TMEM38B: variants seen among roughly 807,000 people sequenced by gnomAD.
TMEM38B encodes the protein transmembrane protein 38B.
In TMEM38B, 24 loss-of-function variants were observed where a neutral mutation model predicts 28.7. That is an observed-to-expected ratio of 0.84 (90% CI 0.61 to 1.18). The LOEUF (loss-of-function observed/expected upper bound fraction) is 1.18. Among genes scored for constraint, TMEM38B ranks in the 50% most tolerant of loss-of-function variants. The pLI is 0.00. For missense variants in TMEM38B, 380 were observed against 350.9 expected, an observed-to-expected ratio of 1.08 and a Z score of -0.66; for synonymous variants, 131 against 127.7, an observed-to-expected ratio of 1.03 and a Z score of -0.17.
intron 5 of TMEM38B, chr9:105,758,879 T>C: frequency 2.9e-6 from 3 of 1,038,364 alleles, no homozygotes; most frequent in Admixed American, 3.4e-5. Flanking sequence ...GCCAGGAAGA[T>C]GTTGAAGAAA....
At chr9:105,719,333 T>C (rs1485342877) in intron 2 of TMEM38B, among the ~76,000 whole-genome samples, 1 of 152,216 alleles carries the variant, frequency 6.6e-6, no homozygotes, top group Non-Finnish European at 1.5e-5. Flanking sequence ...ATATGTTTTC[T>C]TTAGGCACTT....
chr9:105,752,434 T>A (rs887890690), intron 5 of TMEM38B, among the ~76,000 whole-genome samples: 10 of 152,026 alleles, frequency 6.6e-5, no homozygotes, highest in Non-Finnish European at 1.2e-4. Context: ...TGGCAGCAGG[T>A]CAGAACCCAC....
At chr9:105,769,965 T>A (rs1588481378) in intron 5 of TMEM38B, among the ~76,000 whole-genome samples, 1 of 152,060 alleles carries the variant, frequency 6.6e-6, no homozygotes, top group South Asian at 2.1e-4. Context: ...TTAAAGAGCG[T>A]AGATGTGCTG....
At chr9:105,763,512 C>T (rs1466072017) in intron 5 of TMEM38B, among the ~76,000 whole-genome samples, 2 of 152,200 alleles carry the variant, frequency 1.3e-5, no homozygotes, top group Non-Finnish European at 2.9e-5. Context: ...GACACATACA[C>T]TCTCCCAAGA....
intron 5 of TMEM38B, chr9:105,749,047 G>T (rs779088258): frequency 7.7e-7 from 1 of 1,298,268 alleles, no homozygotes; most frequent in Non-Finnish European, 1.0e-6. Context: ...TGAAGTCACT[G>T]TGTGAATCAT....
chr9:105,708,865 T>TTA (rs397941160), intron 2 of TMEM38B, among the ~76,000 whole-genome samples: 4 of 151,924 alleles, frequency 2.6e-5, no homozygotes, highest in African/African-American at 9.7e-5. Flanking sequence ...TTTTTTTTTT[T>TTA]ATGTTGCTCT....
Position 105,697,827 on chromosome 9 carries a change from G to A in TMEM38B, c.112+3055G>A, listed in dbSNP as rs1273329131. The stretch of plus-strand genomic sequence containing the variant: ...TTGGGATTTGTGCATTTTAAGAAGG[G>A]GTTTCTCAGGCCTAAGGTTATAAAA... On this transcript the variant is annotated intron_variant, in intron 1 of 5. Transcript: ENST00000374692. Among the ~76,000 whole-genome samples, 3 of 151,726 alleles carry A rather than the reference G, an allele frequency of 2.0e-5. No individual in the cohort carries two copies. The South Asian group carries it at 6.3e-4, about 32-fold the overall frequency.
intron 5 of TMEM38B, chr9:105,749,033 A>G: frequency 7.8e-7 from 1 of 1,283,334 alleles, no homozygotes; most frequent in Non-Finnish European, 1.0e-6. Context: ...TATGTGTCTT[A>G]GAATGAAGTC....
intron 4 of TMEM38B, among the ~76,000 whole-genome samples, chr9:105,728,280 C>T (rs561295405): frequency 4.0e-4 from 58 of 143,366 alleles, no homozygotes; most frequent in African/African-American, 1.4e-3. Context: ...GTTTGATGTT[C>T]CCCTCTCTGT....
In TMEM38B at chr9:105,774,779, AACT is replaced by A. The variant is rs1826673758; in HGVS notation, c.*703_*705del. 1 of 151,994 alleles carries A rather than the reference AACT, an allele frequency of 6.6e-6. No homozygotes were observed. Among genetic ancestry groups the A allele is most frequent in the South Asian group, 2.1e-4 (1 of 4,826 alleles). 9.4% of individuals were successfully genotyped at this position (151,994 alleles called of 1,614,324 possible). A position where few individuals can be genotyped will look rare whatever the true frequency, so the allele number is the denominator to read the frequency against. Reference sequence around the variant, plus strand: ...CTTTTTCATGCCCTTGTTTTAAAAAAACTACTTTTTTTGGCCTCAAAAAAATCA... The same window carrying A: ...CTTTTTCATGCCCTTGTTTTAAAAAAACTTTTTTTGGCCTCAAAAAAATCA... On this transcript the variant is annotated 3_prime_UTR_variant, in exon 6 of 6. Transcript: ENST00000374692.
rs1000465654 is a variant in TMEM38B, at chr9:105,749,180, A to C, written c.660+990A>C. On this transcript the variant is annotated intron_variant, in intron 5 of 5. Transcript: ENST00000374692. ...CCAGTCCTCAAATGTTGAGCCGTGT[A>C]TATTTTTTTCTAACAGCTTTATTGA... is the stretch of plus-strand genomic sequence containing the variant. The C allele has an allele frequency of 5.1e-6, 6 of 1,174,330 alleles. No homozygotes were observed. The Admixed American group carries it at 1.1e-4, about 22-fold the overall frequency. The allele number at this position is 1,174,330 out of a possible 1,614,324, so 72.7% of individuals were successfully genotyped here. A position where few individuals can be genotyped will look rare whatever the true frequency, so the allele number is the denominator to read the frequency against.
intron 4 of TMEM38B, among the ~76,000 whole-genome samples, chr9:105,740,615 T>G (rs1467017506): frequency 6.6e-6 from 1 of 152,136 alleles, no homozygotes; most frequent in Non-Finnish European, 1.5e-5. Flanking sequence ...TTAATTGCCT[T>G]TCATATTGCT....
intron 2 of TMEM38B, among the ~76,000 whole-genome samples, chr9:105,707,376 G>C (rs533724902): frequency 1.3e-5 from 2 of 152,078 alleles, no homozygotes; most frequent in South Asian, 2.1e-4. Context: ...TCCTTAAGAG[G>C]ATTGATCCAT....
At chr9:105,750,535 A>G (rs972919409) in intron 5 of TMEM38B, among the ~76,000 whole-genome samples, 3 of 152,156 alleles carry the variant, frequency 2.0e-5, no homozygotes, top group Non-Finnish European at 4.4e-5. Flanking sequence ...AATCACTTGA[A>G]CCAGGGAGGC....
chr9:105,775,051 A>T lies in TMEM38B; in HGVS notation c.*971A>T, dbSNP rs541190767. The T allele has an allele frequency of 1.6e-4, 24 of 152,130 alleles. No homozygotes were observed. The highest frequency in any genetic ancestry group is 1.5e-3 in the South Asian group (7 of 4,826). 9.4% of individuals were successfully genotyped at this position (152,130 alleles called of 1,614,324 possible). A position where few individuals can be genotyped will look rare whatever the true frequency, so the allele number is the denominator to read the frequency against. ...CCACTATGTCTTTTTTCTAGTGGCT[A>T]CTGTTTTAGTTTTCTAGTTGAATAT... On this transcript the variant is annotated 3_prime_UTR_variant, in exon 6 of 6. Transcript: ENST00000374692.
chr9:105,715,646 A>G (rs1259652964), intron 2 of TMEM38B, among the ~76,000 whole-genome samples: 2 of 151,778 alleles, frequency 1.3e-5, no homozygotes, highest in African/African-American at 2.4e-5. Context: ...CTTTGAAGAC[A>G]CTATCTGTTA....
intron 5 of TMEM38B, among the ~76,000 whole-genome samples, chr9:105,771,632 G>T (rs1588483477): frequency 6.6e-6 from 1 of 152,072 alleles, no homozygotes; most frequent in Admixed American, 6.6e-5. Flanking sequence ...TTATGCTAGT[G>T]TATCTCATTG....
intron 2 of TMEM38B, among the ~76,000 whole-genome samples, chr9:105,717,887 T>C (rs376797333): frequency 1.3e-5 from 2 of 152,218 alleles, no homozygotes; most frequent in African/African-American, 4.8e-5. Context: ...GTTTTCTAAG[T>C]GTTTTGCTTA....
rs1180599797 is a variant in TMEM38B, at chr9:105,760,051, G to C, written c.660+11861G>C. 4.0e-6 allele frequency: 5 copies of C among 1,234,824 alleles called. No individual in the cohort carries two copies. In the Admixed American group the frequency reaches 9.7e-5, roughly 24 times the overall value. 76.5% of individuals were successfully genotyped at this position (1,234,824 alleles called of 1,614,324 possible). On this transcript the variant is annotated intron_variant, in intron 5 of 5. Transcript: ENST00000374692. ...ATTTTCAGAAAATTCTTTACTTCCA[G>C]CTTCTTCTGTGTTGACTGGTACACG...
Sources: gnomAD v4.1 joint callset for allele counts (sites outside exome capture counted in the v4.1 genomes callset) on GRCh38, gnomAD v4.1.1 for gene constraint, MANE v1.5 for transcripts, NCBI Gene and HGNC (gene_info 2026-07-23, HGNC 2026-07-21) for gene names.